OPCML: variants seen among roughly 807,000 people sequenced by gnomAD.
OPCML encodes the protein opioid-binding protein/cell adhesion molecule.
OPCML carries 13 observed loss-of-function variants against 37.8 expected under a neutral mutation model. The ratio of observed to expected loss-of-function variants is 0.34; its 90% CI spans 0.22 to 0.55. The LOEUF (loss-of-function observed/expected upper bound fraction) is 0.55, where lower values mean the gene tolerates loss of function less well. Among genes scored for constraint, OPCML ranks in the 20% least tolerant of loss-of-function variants. The pLI is 0.91. For synonymous variants in OPCML, 176 were observed against 168.8 expected (o/e 1.04, Z -0.33); for missense variants, 341 against 435.6 (o/e 0.78, Z 1.93).
At chr11:133,045,209 A>G (rs1300593279) in intron 1 of OPCML, among the ~76,000 whole-genome samples, 1 of 151,808 alleles carries the variant, frequency 6.6e-6, no homozygotes, top group Non-Finnish European at 1.5e-5. Flanking sequence ...ATTCTTTCAC[A>G]CCTCTGGCAG....
At chr11:133,034,310 T>TGTATGTATAG (rs200674102) in intron 1 of OPCML, among the ~76,000 whole-genome samples, 8,917 of 139,864 alleles carry the variant, frequency 0.064, 475 homozygotes, top group African/African-American at 0.16. Context: ...TATGTATAGG[T>TGTATGTATAG]GTGTGTGTGT....
chr11:133,314,485 C>T (rs891140378), intron 1 of OPCML, among the ~76,000 whole-genome samples: 1 of 151,496 alleles, frequency 6.6e-6, no homozygotes, highest in South Asian at 2.1e-4. Context: ...CATGGATTGG[C>T]TTCTGCACAC....
intron 3 of OPCML, among the ~76,000 whole-genome samples, chr11:132,548,299 A>G (rs1175774530): frequency 6.6e-6 from 1 of 152,152 alleles, no homozygotes; most frequent in Non-Finnish European, 1.5e-5. Context: ...AGGAAAGTGG[A>G]AATTTTGAAG....
Position 133,115,319 on chromosome 11 carries a change from G to A in OPCML, c.62-172309C>T, listed in dbSNP as rs148322858. Among the ~76,000 whole-genome samples the A allele has an allele frequency of 1.5e-3, 231 of 152,298 alleles. 2 individuals carry two copies. The highest frequency in any genetic ancestry group is 6.8e-3 in the Middle Eastern group (2 of 294). On this transcript the variant is annotated intron_variant, in intron 1 of 7. Coordinates refer to ENST00000524381, the MANE Select transcript of OPCML (RefSeq NM_001012393.5). Reference sequence around the variant, plus strand: ...AGGCAGCAGGACCTACAGGGTGTTTGCTCAAAGCCCTTGGCAAGCCCACTG... The same window carrying A: ...AGGCAGCAGGACCTACAGGGTGTTTACTCAAAGCCCTTGGCAAGCCCACTG...
intron 1 of OPCML, among the ~76,000 whole-genome samples, chr11:133,425,820 A>G (rs1439213937): frequency 1.3e-5 from 2 of 152,158 alleles, no homozygotes; most frequent in Non-Finnish European, 2.9e-5. Flanking sequence ...TGATTTAACT[A>G]TTTTTAATAT....
chr11:133,118,044 G>T (rs1211182738), intron 1 of OPCML: 2 of 690,734 alleles, frequency 2.9e-6, no homozygotes, highest in African/African-American at 2.0e-5. Context: ...AGTTTCCCCA[G>T]CAGGTGAAAC....
At chr11:132,845,749 A>C (rs1413898735) in intron 2 of OPCML, among the ~76,000 whole-genome samples, 1 of 152,208 alleles carries the variant, frequency 6.6e-6, no homozygotes, top group Admixed American at 6.5e-5. Context: ...AGAGACATTG[A>C]AAGCTTACTC....
chr11:132,759,896 C>T (rs1480150471), intron 2 of OPCML, among the ~76,000 whole-genome samples: 2 of 151,912 alleles, frequency 1.3e-5, no homozygotes, highest in African/African-American at 2.4e-5. Flanking sequence ...TATGAGGGTG[C>T]CAATTTTAGA....
intron 1 of OPCML, among the ~76,000 whole-genome samples, chr11:133,483,482 A>C (rs1191592042): frequency 6.6e-6 from 1 of 152,042 alleles, no homozygotes; most frequent in African/African-American, 2.4e-5. Context: ...AGTCTTCTAG[A>C]TTTATAGATG....
rs571767851 is a variant in OPCML at position 133,208,323 on chromosome 11, G to C, written c.62-265313C>G. Among the ~76,000 whole-genome samples, 1 of 152,158 alleles carries C rather than the reference G, an allele frequency of 6.6e-6. No individual in the cohort carries two copies. On this transcript the variant is annotated intron_variant, in intron 1 of 7. Coordinates refer to ENST00000524381, the MANE Select transcript of OPCML (RefSeq NM_001012393.5). This position sits in a 1 kb window ranked among gnomAD's most constrained non-coding sequence, Gnocchi z 8.9. ...ATGCGGGACAGAAGCCTACACTACC[G>C]TGTGTTCTACTACATTCAGTATCAT...
At chr11:132,908,026 G>A (rs1450861133) in intron 2 of OPCML, among the ~76,000 whole-genome samples, 2 of 152,112 alleles carry the variant, frequency 1.3e-5, no homozygotes, top group Non-Finnish European at 2.9e-5. Context: ...TGGTAATTTT[G>A]CTCCCTGAAA....
intron 2 of OPCML, among the ~76,000 whole-genome samples, chr11:132,756,739 G>A (rs1467583783): frequency 6.6e-6 from 1 of 152,116 alleles, no homozygotes; most frequent in African/African-American, 2.4e-5. Flanking sequence ...TTTATAGAAT[G>A]CCGTACTAAG....
intron 4 of OPCML, among the ~76,000 whole-genome samples, chr11:132,475,663 C>T (rs1371648443): frequency 6.6e-6 from 1 of 152,070 alleles, no homozygotes; most frequent in Non-Finnish European, 1.5e-5. Flanking sequence ...ATGCGCCTTG[C>T]ACTTGAACTT....
intron 3 of OPCML, among the ~76,000 whole-genome samples, chr11:132,638,186 T>TATATATATATATATATATATAGAG (rs71067383): frequency 3.8e-5 from 5 of 131,020 alleles, no homozygotes; most frequent in African/African-American, 1.4e-4. Flanking sequence ...TATATATATA[T>TATATATATATATATATATATAGAG]ACAGAGAGAG....
chr11:132,562,172 A>C (rs1339894846), intron 3 of OPCML, among the ~76,000 whole-genome samples: 1 of 152,186 alleles, frequency 6.6e-6, no homozygotes, highest in East Asian at 1.9e-4. Context: ...GGGCCTGGCA[A>C]CACAGGTCCC....
At chr11:132,796,684 C>T (rs1460525636) in intron 2 of OPCML, among the ~76,000 whole-genome samples, 1 of 150,614 alleles carries the variant, frequency 6.6e-6, no homozygotes, top group Non-Finnish European at 1.5e-5. Context: ...TGCCGTTCTC[C>T]TGCCTCGGCC....
At chr11:132,815,403 G>T (rs756460471) in intron 2 of OPCML, among the ~76,000 whole-genome samples, 1 of 152,186 alleles carries the variant, frequency 6.6e-6, no homozygotes, top group East Asian at 1.9e-4. Context: ...TAATACATCA[G>T]ACAAAAATAA....
At chr11:133,488,957 A>T (rs1947593194) in intron 1 of OPCML, among the ~76,000 whole-genome samples, 1 of 133,542 alleles carries the variant, frequency 7.5e-6, no homozygotes, top group African/African-American at 2.8e-5. Flanking sequence ...TTTTGACAGG[A>T]TCAACAAAAA....
At chr11:132,786,060 C>G (rs1054395777) in intron 2 of OPCML, among the ~76,000 whole-genome samples, 1 of 152,136 alleles carries the variant, frequency 6.6e-6, no homozygotes, top group African/African-American at 2.4e-5. Context: ...TTACCCATAC[C>G]CATCCTCCAC....
Sources: allele counts gnomAD v4.1 joint callset (sites outside exome capture counted in the v4.1 genomes callset), GRCh38; gene constraint gnomAD v4.1.1; non-coding constraint Gnocchi (gnomAD v3.1); transcripts MANE v1.5; gene names NCBI Gene and HGNC (gene_info 2026-07-23, HGNC 2026-07-21).